Variants in CENPF observed in about 807,000 individuals in gnomAD.
CENPF encodes the protein centromere protein F.
CENPF carries 214 observed loss-of-function variants against 307.3 expected under a neutral mutation model. The observed-to-expected ratio is 0.70, with a 90% CI of 0.62 to 0.78. CENPF has a LOEUF of 0.78. CENPF is among the 30% of genes least tolerant of loss of function. CENPF has a pLI of 0.00. For missense variants in CENPF, 3,401 were observed against 3,483.9 expected, an observed-to-expected ratio of 0.98 and a Z score of 0.60; for synonymous variants, 1,259 against 1,270.6, an observed-to-expected ratio of 0.99 and a Z score of 0.19.
chr1:214,663,893 TGAG>T lies in CENPF; in HGVS notation c.*103_*105del. ...CTTTAGTCAGGGCATGCTTTATTAG[TGAG>T]GAGAAAACAATTCCTTAGAAGTCTT... On this transcript the variant is annotated 3_prime_UTR_variant, in exon 20 of 20. Coordinates refer to ENST00000366955, the MANE Select transcript of CENPF (RefSeq NM_016343.4). 1.1e-6 allele frequency: 1 copy of T among 892,040 alleles called. No homozygotes were observed. The highest frequency in any genetic ancestry group is 1.7e-6 in the Non-Finnish European group (1 of 588,610). The allele number at this position is 892,040 out of a possible 1,614,324, so 55.3% of individuals were successfully genotyped here.
In CENPF at chr1:214,620,922, G is replaced by C; in HGVS notation, c.841G>C (p.Asp281His). 1 of 1,610,526 alleles carries C rather than the reference G, an allele frequency of 6.2e-7. No homozygotes were observed. The highest frequency in any genetic ancestry group is 8.5e-7 in the Non-Finnish European group (1 of 1,178,388). Residue 281 changes from aspartate (D) to histidine (H), a missense_variant, in exon 6 of 20, where the codon GAT becomes CAT. Asp to His is a moderately conservative substitution (Grantham distance 81). Coordinates refer to ENST00000366955, the MANE Select transcript of CENPF (RefSeq NM_016343.4). Reference protein sequence around the residue: ...FDNSSSPHLLDQLKAQNQELR... With the variant: ...FDNSSSPHLLHQLKAQNQELR... ...CAATTCTAGCAGTCCTCATCTTTTG[G>C]ATCAATTAAAAGCGCAGAATCAAGG...
chr1:214,618,737 C>T lies in CENPF; in HGVS notation c.481+43C>T. The T allele has an allele frequency of 1.9e-6, 3 of 1,559,278 alleles. 1 individual carries two copies. The highest frequency in any genetic ancestry group is 2.6e-6 in the Non-Finnish European group (3 of 1,150,522). ...TTGGTATAGACAGCTTTTTGTTTAG[C>T]TTGAGATTTTAATTCTGCAAAATAA... On this transcript the variant is annotated intron_variant, in intron 4 of 19. Transcript: ENST00000366955.
In CENPF at chr1:214,620,935, C is replaced by T. The variant is rs375031145; in HGVS notation, c.854C>T (p.Ala285Val). The change falls in exon 6 of 20, where the codon GCG (alanine) becomes GTG (valine). Residue 285 changes from alanine (A) to valine (V), a missense_variant. Ala to Val is a moderately conservative substitution (Grantham distance 64). Transcript: ENST00000366955. ...SSPHLLDQLK[A>V]QNQELRNKIN... ...CCTCATCTTTTGGATCAATTAAAAGCGCAGAATCAAGGTAACATTGAGCTA... is the reference window on the plus strand; with the variant it reads ...CCTCATCTTTTGGATCAATTAAAAGTGCAGAATCAAGGTAACATTGAGCTA... The T allele has an allele frequency of 4.3e-5, 69 of 1,605,986 alleles. No homozygotes were observed. The Middle Eastern group carries it at 5.0e-4, about 12-fold the overall frequency.
intron 1 of CENPF, chr1:214,613,106 A>G: frequency 3.4e-6 from 1 of 291,398 alleles, no homozygotes; most frequent in Non-Finnish European, 6.6e-6. Context: ...TTGGTCCACC[A>G]CTCCATTACA....
intron 1 of CENPF, among the ~76,000 whole-genome samples, chr1:214,604,054 G>A (rs1158212336): frequency 6.6e-6 from 1 of 152,118 alleles, no homozygotes; most frequent in Non-Finnish European, 1.5e-5. Flanking sequence ...GTGTCCTTGA[G>A]CCTGACCTAG....
intron 18 of CENPF, among the ~76,000 whole-genome samples, chr1:214,658,335 G>A (rs1349001178): frequency 2.0e-5 from 3 of 152,142 alleles, no homozygotes; most frequent in Admixed American, 1.3e-4. Context: ...AAGAGACAAC[G>A]TGAGTGAGTG....
chr1:214,644,035 C>T lies in CENPF; in HGVS notation c.4987-522C>T, dbSNP rs1658209828. The stretch of plus-strand genomic sequence containing the variant: ...GCAGGTGTAGGTGCAACAGCAGATC[C>T]CCAGTTTACAGATGAGAGGAAAGTG... On this transcript the variant is annotated intron_variant, in intron 12 of 19. Coordinates refer to ENST00000366955, the MANE Select transcript of CENPF (RefSeq NM_016343.4). 3.9e-5 allele frequency among the ~76,000 whole-genome samples: 6 copies of T among 152,156 alleles called. No individual in the cohort carries two copies. The Middle Eastern group carries it at 0.014, about 345-fold the overall frequency.
At chr1:214,624,906 T>C (rs1657611092) in intron 7 of CENPF, among the ~76,000 whole-genome samples, 1 of 152,194 alleles carries the variant, frequency 6.6e-6, no homozygotes, top group African/African-American at 2.4e-5. Flanking sequence ...TAACTGTGAT[T>C]TGTCTGTTTC....
In CENPF at chr1:214,646,275, A is replaced by G. The variant is rs1658297973; in HGVS notation, c.6705A>G (p.Ser2235=). The G allele has an allele frequency of 1.2e-6, 2 of 1,614,010 alleles. No individual in the cohort carries two copies. Among genetic ancestry groups the G allele is most frequent in the Admixed American group, 1.7e-5 (1 of 59,992 alleles). The part of the protein sequence containing the change: ...QLSELDKLLS[S]FKSLLEEKEQ... ...CAGAACTAGACAAGTTACTCTCTTC[A>G]TTTAAAAGTCTGTTAGAAGAAAAGG... Residue 2235 remains serine (S), a synonymous_variant, in exon 13 of 20, where the codon TCA becomes TCG. Coordinates refer to ENST00000366955, the MANE Select transcript of CENPF (RefSeq NM_016343.4).
rs1226410938 is a variant in CENPF, at chr1:214,632,589, G to A, written c.1433G>A (p.Arg478Lys). 5.6e-6 allele frequency: 9 copies of A among 1,613,902 alleles called. No homozygotes were observed. Among genetic ancestry groups the A allele is most frequent in the Admixed American group, 1.7e-5 (1 of 59,996 alleles). ...AGTCAGATCAAGGAGAATGAGCTGA[G>A]GAGAAGCATGGAGGTAAGGGAGGAG... ...QASQIKENEL[R>K]RSMEEMKKEN... Residue 478 changes from arginine to lysine, a missense_variant, in exon 10 of 20, where the codon AGG becomes AAG. Transcript: ENST00000366955.
intron 19 of CENPF, among the ~76,000 whole-genome samples, chr1:214,661,609 A>G (rs1202084933): frequency 6.6e-6 from 1 of 152,120 alleles, no homozygotes; most frequent in African/African-American, 2.4e-5. Context: ...TGTCACTGGG[A>G]TGGATTAGCT....
chr1:214,662,920 T>C (rs1255217022), intron 19 of CENPF, among the ~76,000 whole-genome samples: 1 of 152,026 alleles, frequency 6.6e-6, no homozygotes. Context: ...GCTGGAACTA[T>C]AGATGTGAGC....
chr1:214,650,281 TGAAAG>T (rs997319970), intron 14 of CENPF, among the ~76,000 whole-genome samples: 1 of 143,228 alleles, frequency 7.0e-6, no homozygotes, highest in Non-Finnish European at 1.5e-5. Context: ...TTTTAGAAAT[TGAAAG>T]GAAGCCATTG....
Position 214,659,079 on chromosome 1 carries a change from T to TA in CENPF, c.9141+52dup, listed in dbSNP as rs1461014273. The TA allele has an allele frequency of 6.3e-7, 1 of 1,595,108 alleles. No homozygotes were observed. On this transcript the variant is annotated intron_variant, in intron 19 of 19. Transcript: ENST00000366955. This position sits in a 1 kb window ranked among gnomAD's most constrained non-coding sequence, Gnocchi z 4.4. ...CTGTTTGAGATCCAGAAAATTGCAG[T>TA]AGTACCTGGGTGAGGATTGGACACT...
Position 214,643,110 on chromosome 1 carries a change from A to G in CENPF, c.4772A>G (p.Glu1591Gly), listed in dbSNP as rs376889332. ...IQELEQLLSS[E>G]RQELDCLRKQ... ...GAGCTCGAGCAGTTATTAAGTTCTG[A>G]AAGGCAAGAGCTTGACTGCCTTAGG... Residue 1591 changes from glutamate (E) to glycine (G), a missense_variant, in exon 12 of 20, where the codon GAA (glutamate) becomes GGA (glycine). Glu to Gly is a moderately conservative substitution (Grantham distance 98). Coordinates refer to ENST00000366955, the MANE Select transcript of CENPF (RefSeq NM_016343.4). 1.2e-5 allele frequency: 20 copies of G among 1,603,810 alleles called. No homozygotes were observed. In the African/African-American group the frequency reaches 2.4e-4, roughly 20 times the overall value.
chr1:214,647,874 C>T (rs1036659038), intron 13 of CENPF: 5 of 383,144 alleles, frequency 1.3e-5, no homozygotes, highest in East Asian at 6.9e-5. Flanking sequence ...TTGTAACCAA[C>T]AGAGCACTCA....
chr1:214,620,432 G>A (rs1400498553), intron 5 of CENPF, among the ~76,000 whole-genome samples: 1 of 152,212 alleles, frequency 6.6e-6, no homozygotes, highest in Non-Finnish European at 1.5e-5. Flanking sequence ...GATTGGGCAT[G>A]AGATGGTAGT....
Position 214,642,193 on chromosome 1 carries a change from CAA to C in CENPF, c.3856_3857del (p.Asn1286CysfsTer16). The C allele has an allele frequency of 6.2e-7, 1 of 1,614,150 alleles. No individual in the cohort carries two copies. The highest frequency in any genetic ancestry group is 8.5e-7 in the Non-Finnish European group (1 of 1,180,018). On this transcript the variant is annotated frameshift_variant, in exon 12 of 20. Coordinates refer to ENST00000366955, the MANE Select transcript of CENPF (RefSeq NM_016343.4). LOFTEE classifies it high-confidence loss of function. The part of the protein sequence containing the change: ...PHELSTSQND[N>X]AHLQCSLQTT... ...ATGAGTTGTCAACAAGTCAAAACGA[CAA>C]TGCACACCTTCAGTGCTCTCTGCAA...
Position 214,640,883 on chromosome 1 carries a change from C to T in CENPF, c.2545C>T (p.Leu849=). The change falls in exon 12 of 20, where the codon CTG becomes TTG. Residue 849 remains leucine, a synonymous_variant. Coordinates refer to ENST00000366955, the MANE Select transcript of CENPF (RefSeq NM_016343.4). ...GTCTCAAAAACAGATGAACTCAGAC[C>T]TGCAAAAGCAGTGTGAAGAGTTGGT... is the stretch of plus-strand genomic sequence containing the variant. ...LESQKQMNSD[L]QKQCEELVQI... is the part of the protein sequence containing the mutation. The T allele has an allele frequency of 6.2e-7, 1 of 1,604,334 alleles. No homozygotes were observed. Among genetic ancestry groups the T allele is most frequent in the Non-Finnish European group, 8.5e-7 (1 of 1,177,508 alleles).
Sources: allele counts gnomAD v4.1 joint callset (sites outside exome capture counted in the v4.1 genomes callset), GRCh38; gene constraint gnomAD v4.1.1; non-coding constraint Gnocchi (gnomAD v3.1); transcripts MANE v1.5; gene names NCBI Gene and HGNC (gene_info 2026-07-23, HGNC 2026-07-21).